The following DSC3 variants were observed in gnomAD, a reference collection of about 807,000 sequenced individuals.
DSC3 encodes the protein desmocollin 3.
DSC3 carries 97 observed loss-of-function variants against 89.5 expected under a neutral mutation model. The observed-to-expected ratio is 1.08, with a 90% confidence interval of 0.92 to 1.28. The LOEUF is 1.28. DSC3 is among the 50% of genes most tolerant of loss of function. DSC3 has a pLI of 0.00. For missense variants in DSC3, 1,199 were observed against 1,085.3 expected (o/e 1.10, Z -1.47); for synonymous variants, 436 against 384.1 (o/e 1.14, Z -1.58).
intron 12 of DSC3, among the ~76,000 whole-genome samples, chr18:31,005,182 C>T (rs1470848816): frequency 6.6e-6 from 1 of 152,188 alleles, no homozygotes; most frequent in Non-Finnish European, 1.5e-5. Context: ...TACCTGAAGG[C>T]TCCCTAGAGG....
intron 9 of DSC3, 40 bp downstream of exon 9, chr18:31,018,031 C>T (rs1200780734): frequency 1.3e-6 from 2 of 1,551,050 alleles, no homozygotes; most frequent in Non-Finnish European, 1.8e-6. Context: ...GTAACTAAAA[C>T]CTGTTAATTT....
chr18:31,016,910 C>T (rs1435564332), intron 9 of DSC3, among the ~76,000 whole-genome samples: 1 of 152,116 alleles, frequency 6.6e-6, no homozygotes, highest in African/African-American at 2.4e-5. Context: ...CTTATTTTCC[C>T]ATTTTAACAT....
At position 31,029,593 on chromosome 18, in the gene DSC3, G is replaced by A; in HGVS notation, c.390C>T (p.Leu130=). 7 of 1,613,846 alleles carry A rather than the reference G, an allele frequency of 4.3e-6. No homozygotes were observed. The highest frequency in any genetic ancestry group is 5.1e-6 in the Non-Finnish European group (6 of 1,179,724). Reference sequence around the variant, plus strand: ...GTGCCCATCTCCTCTTGGCACGCCTGAGAACAGTTTCTCTAGTGTGTCTTG... The same window carrying A: ...GTGCCCATCTCCTCTTGGCACGCCTAAGAACAGTTTCTCTAGTGTGTCTTG... The part of the protein sequence containing the change: ...SKTRHTRETV[L]RRAKRRWAPI... The change falls in exon 4 of 16, where the codon CTC becomes CTT. Residue 130 remains leucine, a synonymous_variant. Transcript: ENST00000360428.
In DSC3 at chr18:31,018,655, T is replaced by G; in HGVS notation, c.1077+11A>C. On this transcript the variant is annotated intron_variant, in intron 8 of 15. Transcript: ENST00000360428. ...ATAAGACAGAGGCAGATTTTGATAT[T>G]ATATACTTACAGCATTTTGTCTGAA... is the stretch of plus-strand genomic sequence containing the variant. 1 of 1,611,744 alleles carries G rather than the reference T, an allele frequency of 6.2e-7. No individual in the cohort carries two copies.
rs1196444633 is a variant in DSC3 at position 30,995,971 on chromosome 18, T to TAAAAAAAAAAAAA, written c.2493+807_2493+819dup. Among the ~76,000 whole-genome samples the TAAAAAAAAAAAAA allele has an allele frequency of 4.6e-3, 170 of 37,006 alleles. 5 individuals carry two copies. The highest frequency in any genetic ancestry group is 0.011 in the East Asian group (12 of 1,086). The allele number at this position is 37,006 out of a possible 152,430, so 24.3% of individuals were successfully genotyped here. A position where few individuals can be genotyped will look rare whatever the true frequency, so the allele number is the denominator to read the frequency against. On this transcript the variant is annotated intron_variant, in intron 15 of 15. Transcript: ENST00000360428. ...TCAGCGACAGAGCAAGACCCTGCCT[T>TAAAAAAAAAAAAA]AAAAAAAAAAAAAAAAAAAAAAAAA...
chr18:30,997,779 C>G (rs765307957), intron 14 of DSC3, among the ~76,000 whole-genome samples: 2 of 152,040 alleles, frequency 1.3e-5, no homozygotes, highest in Non-Finnish European at 2.9e-5. Context: ...CAAATCCAAA[C>G]AGGGTAGGTG....
chr18:31,029,475 A>G (rs1273685669), intron 4 of DSC3, 34 bp downstream of exon 4: 1 of 1,612,846 alleles, frequency 6.2e-7, no homozygotes, highest in East Asian at 2.2e-5. Flanking sequence ...TCTTAGAATT[A>G]AAGCAACCCT....
intron 14 of DSC3, 62 bp downstream of exon 14, chr18:31,001,556 G>A (rs1300473133): frequency 7.6e-6 from 12 of 1,574,758 alleles, no homozygotes; most frequent in Non-Finnish European, 9.5e-6. Context: ...TTTGAAATGA[G>A]TTTATGAGGA....
chr18:30,997,139 C>A (rs1984503913), intron 14 of DSC3, 91 bp from the exon 15 acceptor site: 10 of 1,465,080 alleles, frequency 6.8e-6, no homozygotes, highest in Middle Eastern at 1.8e-4. Context: ...TTTGTTCAAC[C>A]TTTTATTCAT....
rs559199905 is a variant in DSC3, at chr18:31,004,383, G to T, written c.1889-17C>A. ...CAGCTGTATCTGAAAGAAAATAAAA[G>T]AAGTTTATTTTTTAATGATCATTTA... On this transcript the variant is annotated splice_polypyrimidine_tract_variant and intron_variant, in intron 12 of 15. Transcript: ENST00000360428. 6.3e-7 allele frequency: 1 copy of T among 1,599,888 alleles called. No homozygotes were observed. The highest frequency in any genetic ancestry group is 1.7e-5 in the Admixed American group (1 of 59,780).
chr18:30,996,870 C>G lies in DSC3; in HGVS notation c.2414G>C (p.Arg805Thr), dbSNP rs1180443900. 1.2e-6 allele frequency: 2 copies of G among 1,613,916 alleles called. No homozygotes were observed. The highest frequency in any genetic ancestry group is 1.7e-6 in the Non-Finnish European group (2 of 1,179,980). The change falls in exon 15 of 16, where the codon AGG becomes ACG. Residue 805 changes from arginine to threonine, a missense_variant. Coordinates refer to ENST00000360428, the MANE Select transcript of DSC3 (RefSeq NM_001941.5). ...GTTGTCCACCTCCGTGTGTCCTCCC[C>G]TGCAGGAGTCCAGGGTATGATGATG... is the stretch of plus-strand genomic sequence containing the variant. ...AGHHHTLDSCRGGHTEVDNCR... is the reference protein window; with the variant it reads ...AGHHHTLDSCTGGHTEVDNCR...
rs548991601 is a variant in DSC3 at position 31,017,760 on chromosome 18, T to C, written c.1263+311A>G. Among the ~76,000 whole-genome samples the C allele has an allele frequency of 6.6e-5, 10 of 152,208 alleles. No homozygotes were observed. In the South Asian group the frequency reaches 1.5e-3, roughly 22 times the overall value. ...GAATCAGAACCAAACATATGAGTTATAGAAAAAATAACCTGGACACAGTAG... is the reference window on the plus strand; with the variant it reads ...GAATCAGAACCAAACATATGAGTTACAGAAAAAATAACCTGGACACAGTAG... On this transcript the variant is annotated intron_variant, in intron 9 of 15. Transcript: ENST00000360428.
Position 30,993,599 on chromosome 18 carries a change from C to G in DSC3, c.*576G>C, listed in dbSNP as rs1044430655. ...ATTGATTAATAATAATATACACACACACATTTATTTCCAACTATATTCCTA... is the reference window on the plus strand; with the variant it reads ...ATTGATTAATAATAATATACACACAGACATTTATTTCCAACTATATTCCTA... On this transcript the variant is annotated 3_prime_UTR_variant, in exon 16 of 16. Coordinates refer to ENST00000360428, the MANE Select transcript of DSC3 (RefSeq NM_001941.5). The G allele has an allele frequency of 6.5e-6, 1 of 152,898 alleles. No homozygotes were observed. The highest frequency in any genetic ancestry group is 1.5e-5 in the Non-Finnish European group (1 of 68,630). The allele number at this position is 152,898 out of a possible 1,614,324, so 9.5% of individuals were successfully genotyped here. A position where few individuals can be genotyped will look rare whatever the true frequency, so the allele number is the denominator to read the frequency against.
At chr18:31,000,995 G>T (rs1984633044) in intron 14 of DSC3, among the ~76,000 whole-genome samples, 1 of 149,410 alleles carries the variant, frequency 6.7e-6, no homozygotes, top group African/African-American at 2.5e-5. Context: ...TATATTTTGT[G>T]TACATATATA....
intron 4 of DSC3, among the ~76,000 whole-genome samples, chr18:31,029,255 G>A (rs532928182): frequency 3.3e-5 from 5 of 152,170 alleles, no homozygotes; most frequent in South Asian, 4.1e-4. Context: ...AGTACCTCCC[G>A]CAGGATATAG....
chr18:30,998,165 G>A (rs748686155), intron 14 of DSC3, among the ~76,000 whole-genome samples: 3 of 152,104 alleles, frequency 2.0e-5, no homozygotes, highest in Non-Finnish European at 2.9e-5. Flanking sequence ...GATCAGATGG[G>A]GGTCACTGCA....
chr18:30,997,117 G>A (rs1258449093), intron 14 of DSC3, 69 bp from the exon 15 acceptor site: 3 of 1,561,864 alleles, frequency 1.9e-6, no homozygotes, highest in Non-Finnish European at 2.6e-6. Context: ...AGAAGGCAAA[G>A]GAGAGAGAAT....
chr18:31,003,079 T>TCTGACTGAAAGTTCTTCCCC (rs1167630414), intron 13 of DSC3, among the ~76,000 whole-genome samples: 2,028 of 152,318 alleles, frequency 0.013, 38 homozygotes, highest in African/African-American at 0.047. Flanking sequence ...TTGACTTCCC[T>TCTGACTGAAAGTTCTTCCCC]CTCTGACTGA....
intron 1 of DSC3, among the ~76,000 whole-genome samples, chr18:31,035,448 C>T (rs1985939174): frequency 1.3e-5 from 2 of 151,400 alleles, no homozygotes; most frequent in Admixed American, 6.6e-5. Flanking sequence ...AGTCATTTGC[C>T]CTTTAAAAAA....
Sources: gnomAD v4.1 joint callset for allele counts (sites outside exome capture counted in the v4.1 genomes callset) on GRCh38, gnomAD v4.1.1 for gene constraint, MANE v1.5 for transcripts, NCBI Gene and HGNC (gene_info 2026-07-23, HGNC 2026-07-21) for gene names.